The following GSAP variants were observed in gnomAD, a reference collection of about 807,000 sequenced individuals.
GSAP encodes gamma-secretase activating protein.
A neutral mutation model predicts 131.7 loss-of-function variants in GSAP; 118 were observed. That is an observed-to-expected ratio of 0.90 (90% CI 0.77 to 1.04). GSAP has a LOEUF of 1.04. GSAP is among the 50% of genes least tolerant of loss of function. GSAP has a pLI of 0.00. For synonymous variants in GSAP, 381 were observed against 363.4 expected (o/e 1.05, Z -0.55); for missense variants, 1,019 against 1,013.2 (o/e 1.01, Z -0.08).
intron 4 of GSAP, 82 bp from the exon 5 acceptor site, chr7:77,397,117 G>T: frequency 1.1e-6 from 1 of 891,636 alleles, no homozygotes; most frequent in Non-Finnish European, 1.8e-6. Context: ...ACCTGAAATA[G>T]ATGAGGGCTC....
chr7:77,414,479 G>A (rs1803907212), intron 1 of GSAP, among the ~76,000 whole-genome samples: 1 of 152,186 alleles, frequency 6.6e-6, no homozygotes, highest in African/African-American at 2.4e-5. Context: ...TATTTGCTCT[G>A]AAAGAGCAAA....
rs777605665 is a variant in GSAP, at chr7:77,312,179, T to A, written c.2295A>T (p.Arg765Ser). Residue 765 changes from arginine (R) to serine (S), a missense_variant, in exon 29 of 31, where the codon AGA (arginine) becomes AGT (serine). Transcript: ENST00000257626. ...LPPLIGQKIC[R>S]LWDHPMSSNI... is the part of the protein sequence containing the mutation. ...TAGAACTCATAGGATGATCCCAAAGTCTACAAATCTTCTGCCCAATAAGCT... is the reference window on the plus strand; with the variant it reads ...TAGAACTCATAGGATGATCCCAAAGACTACAAATCTTCTGCCCAATAAGCT... The A allele has an allele frequency of 6.3e-7, 1 of 1,597,060 alleles. No homozygotes were observed. The highest frequency in any genetic ancestry group is 8.5e-7 in the Non-Finnish European group (1 of 1,173,292).
At chr7:77,328,338 T>A (rs1300717538) in intron 22 of GSAP, 5 of 1,217,344 alleles carry the variant, frequency 4.1e-6, no homozygotes, top group Non-Finnish European at 5.1e-6. Context: ...GGCAGCTCTG[T>A]ATGACAGGAA....
rs368859989 is a variant in GSAP, at chr7:77,338,218, T to C, written c.1546-7851A>G. On this transcript the variant is annotated intron_variant, in intron 19 of 30. Transcript: ENST00000257626. Reference sequence around the variant, plus strand: ...AAATAACCATAAAATCAAGGGCAATTTTTAGCCTTTTATGAAAGTTGCCGT... The same window carrying C: ...AAATAACCATAAAATCAAGGGCAATCTTTAGCCTTTTATGAAAGTTGCCGT... Among the ~76,000 whole-genome samples the C allele has an allele frequency of 2.0e-5, 3 of 152,190 alleles. No homozygotes were observed. In the East Asian group the frequency reaches 5.8e-4, roughly 29 times the overall value.
chr7:77,339,365 A>G (rs1790539841), intron 19 of GSAP, among the ~76,000 whole-genome samples: 1 of 152,174 alleles, frequency 6.6e-6, no homozygotes, highest in Non-Finnish European at 1.5e-5. Flanking sequence ...CATGCTGAGC[A>G]TTTGGGGTAG....
chr7:77,400,139 T>C (rs115138833), intron 3 of GSAP, among the ~76,000 whole-genome samples: 5,707 of 152,240 alleles, frequency 0.037, 341 homozygotes, highest in African/African-American at 0.12. Context: ...CTCCCACCTT[T>C]GCCCAGCTGT....
At position 77,405,540 on chromosome 7, in the gene GSAP, A is replaced by AT. The variant is rs36094619; in HGVS notation, c.186+488dup. ...GAAGAAACATTTAATATTTAAAAAA[A>AT]TTTTTTTTTCTTTTTGAGACAGGGT... On this transcript the variant is annotated intron_variant, in intron 2 of 30. Coordinates refer to ENST00000257626, the MANE Select transcript of GSAP (RefSeq NM_017439.4). 3.2e-4 allele frequency among the ~76,000 whole-genome samples: 49 copies of AT among 151,618 alleles called. 1 individual carries two copies. Among genetic ancestry groups the AT allele is most frequent in the African/African-American group, 6.3e-4 (26 of 41,268 alleles).
intron 9 of GSAP, 81 bp downstream of exon 9, chr7:77,377,205 A>T: frequency 7.7e-7 from 1 of 1,291,624 alleles, no homozygotes; most frequent in East Asian, 2.7e-5. Flanking sequence ...CAAGAGAGCA[A>T]GACCCTGTCT....
chr7:77,343,690 C>T (rs543748633), intron 19 of GSAP, among the ~76,000 whole-genome samples: 3 of 152,350 alleles, frequency 2.0e-5, no homozygotes, highest in Admixed American at 2.0e-4. Context: ...CTTCCACCTA[C>T]TCCCCCACTG....
intron 5 of GSAP, among the ~76,000 whole-genome samples, chr7:77,392,826 A>C (rs1200423752): frequency 6.6e-6 from 1 of 152,182 alleles, no homozygotes; most frequent in Non-Finnish European, 1.5e-5. Flanking sequence ...CATCTGTGAC[A>C]CTTGACTGTC....
chr7:77,311,829 G>C lies in GSAP; in HGVS notation c.2473+12C>G. On this transcript the variant is annotated intron_variant, in intron 30 of 30. Coordinates refer to ENST00000257626, the MANE Select transcript of GSAP (RefSeq NM_017439.4). Reference sequence around the variant, plus strand: ...AAAGTGGTAAGACCCTGAGAACAGGGGAGTAAATTACCTTGATTGGAGGAC... The same window carrying C: ...AAAGTGGTAAGACCCTGAGAACAGGCGAGTAAATTACCTTGATTGGAGGAC... 2 of 1,240,706 alleles carry C rather than the reference G, an allele frequency of 1.6e-6. No individual in the cohort carries two copies. Among genetic ancestry groups the C allele is most frequent in the Non-Finnish European group, 2.4e-6 (2 of 839,014 alleles). The allele number at this position is 1,240,706 out of a possible 1,614,324, so 76.9% of individuals were successfully genotyped here. A position where few individuals can be genotyped will look rare whatever the true frequency, so the allele number is the denominator to read the frequency against.
At chr7:77,312,357 T>G (rs1000224701) in intron 28 of GSAP, among the ~76,000 whole-genome samples, 155 bp from the exon 29 acceptor site, 10 of 152,228 alleles carry the variant, frequency 6.6e-5, no homozygotes, top group Admixed American at 5.9e-4. Flanking sequence ...AATGCCATGT[T>G]CCTATGAAGT....
intron 26 of GSAP, among the ~76,000 whole-genome samples, chr7:77,317,524 A>G (rs1482546857): frequency 1.3e-5 from 2 of 152,188 alleles, no homozygotes; most frequent in African/African-American, 4.8e-5. Context: ...CTTAAAGTAT[A>G]ATTAAAAAAA....
In GSAP at chr7:77,416,198, G is replaced by A. The variant is rs1460012438; in HGVS notation, c.109+15C>T. ...CTCCCCGCCCCCACCCCTCTCCGCAGCGCGCCTCCCGCACCTGCGCCGCCG... is the reference window on the plus strand; with the variant it reads ...CTCCCCGCCCCCACCCCTCTCCGCAACGCGCCTCCCGCACCTGCGCCGCCG... On this transcript the variant is annotated intron_variant, in intron 1 of 30. Transcript: ENST00000257626. 5.5e-6 allele frequency: 6 copies of A among 1,084,614 alleles called. No individual in the cohort carries two copies. The highest frequency in any genetic ancestry group is 7.5e-6 in the Non-Finnish European group (6 of 800,980). The allele number at this position is 1,084,614 out of a possible 1,614,324, so 67.2% of individuals were successfully genotyped here.
At chr7:77,356,922 G>A (rs1034026720) in intron 14 of GSAP, among the ~76,000 whole-genome samples, 1 of 152,210 alleles carries the variant, frequency 6.6e-6, no homozygotes, top group South Asian at 2.1e-4. Flanking sequence ...TTCAGTCAAC[G>A]TGGATTAAAT....
intron 12 of GSAP, among the ~76,000 whole-genome samples, chr7:77,366,861 T>C (rs1375172300): frequency 6.6e-6 from 1 of 152,234 alleles, no homozygotes; most frequent in Non-Finnish European, 1.5e-5. Context: ...TCCATGAGCA[T>C]GTTTTTCCAT....
chr7:77,333,824 G>T (rs1291001805), intron 19 of GSAP, among the ~76,000 whole-genome samples: 2 of 152,158 alleles, frequency 1.3e-5, no homozygotes, highest in Admixed American at 1.3e-4. Context: ...ATGGAGGGGA[G>T]GGGAGGGGAA....
intron 12 of GSAP, among the ~76,000 whole-genome samples, chr7:77,373,745 A>G (rs759909696): frequency 1.3e-5 from 2 of 152,246 alleles, no homozygotes; most frequent in Non-Finnish European, 2.9e-5. Context: ...CAGAAAGCAC[A>G]GCCATCGCTG....
Position 77,328,617 on chromosome 7 carries a change from G to A in GSAP, c.1754C>T (p.Ala585Val). The change falls in exon 22 of 31, where the codon GCA becomes GTA. Residue 585 changes from alanine to valine, a missense_variant. Ala to Val is a moderately conservative substitution (Grantham distance 64). Coordinates refer to ENST00000257626, the MANE Select transcript of GSAP (RefSeq NM_017439.4). ...AGATCTTTTCTTACCCAAATTTCTT[G>A]CTTCTAGGTTAGAAATCACCCTACG... ...NAVKVISNLE[A>V]RNLGPRLTPL... 6.2e-7 allele frequency: 1 copy of A among 1,608,480 alleles called. No homozygotes were observed. Among genetic ancestry groups the A allele is most frequent in the Non-Finnish European group, 8.5e-7 (1 of 1,176,346 alleles).
Sources: gnomAD v4.1 joint callset for allele counts (sites outside exome capture counted in the v4.1 genomes callset) on GRCh38, gnomAD v4.1.1 for gene constraint, MANE v1.5 for transcripts, NCBI Gene and HGNC (gene_info 2026-07-23, HGNC 2026-07-21) for gene names.